The following MACROD2 variants were observed in gnomAD, a reference collection of about 807,000 sequenced individuals.
MACROD2 encodes ADP-ribose glycohydrolase MACROD2.
In MACROD2, 36 loss-of-function variants were observed where a neutral mutation model predicts 70.4. That is an observed-to-expected ratio of 0.51 (90% CI 0.39 to 0.68). The LOEUF (loss-of-function observed/expected upper bound fraction) is 0.68, where lower values mean the gene tolerates loss of function less well. Among genes scored for constraint, MACROD2 ranks in the 30% least tolerant of loss-of-function variants. The probability of loss-of-function intolerance (pLI) is 0.00; values close to 1 mark genes in which losing one functional copy is unlikely to be tolerated. For missense variants in MACROD2, 496 were observed against 538.4 expected (o/e 0.92, Z 0.78); for synonymous variants, 172 against 178.8 (o/e 0.96, Z 0.30).
At chr20:14,085,340 A>G (rs1306428164) in intron 2 of MACROD2, among the ~76,000 whole-genome samples, 1 of 152,098 alleles carries the variant, frequency 6.6e-6, no homozygotes, top group East Asian at 1.9e-4. Context: ...TTTAGAATGG[A>G]TATTTTAATA....
intron 5 of MACROD2, among the ~76,000 whole-genome samples, chr20:14,884,803 C>T (rs968504739): frequency 1.3e-5 from 2 of 152,120 alleles, no homozygotes; most frequent in African/African-American, 4.8e-5. Context: ...ACAATCTGTT[C>T]TCTCTGAAGC....
At chr20:14,614,411 T>C (rs112728413) in intron 4 of MACROD2, among the ~76,000 whole-genome samples, 2 of 152,172 alleles carry the variant, frequency 1.3e-5, no homozygotes, top group African/African-American at 4.8e-5. Context: ...TCAGAATCTT[T>C]GGGGGTGGGG....
chr20:14,448,775 C>T (rs1162962604), intron 3 of MACROD2, among the ~76,000 whole-genome samples: 1 of 140,332 alleles, frequency 7.1e-6, no homozygotes, highest in Non-Finnish European at 1.6e-5. Flanking sequence ...TCTCATCATG[C>T]AGTGCGTTGA....
In MACROD2 at chr20:15,241,088, T is replaced by C. The variant is rs558429592; in HGVS notation, c.540+11027T>C. Among the ~76,000 whole-genome samples, 22 of 152,318 alleles carry C rather than the reference T, an allele frequency of 1.4e-4. No homozygotes were observed. In the South Asian group the frequency reaches 4.6e-3, roughly 32 times the overall value. On this transcript the variant is annotated intron_variant, in intron 6 of 17. Coordinates refer to ENST00000684519, the MANE Select transcript of MACROD2 (RefSeq NM_001351661.2). ...GTTTGTGTATGTTTGAAATTTTCCG[T>C]AACAAAGCAAACTTAAATGTTTAAA...
At chr20:14,742,242 G>C (rs896401362) in intron 5 of MACROD2, among the ~76,000 whole-genome samples, 5 of 152,120 alleles carry the variant, frequency 3.3e-5, no homozygotes, top group African/African-American at 4.8e-5. Context: ...TGAATCCTGA[G>C]AGAAACCACT....
chr20:14,812,321 G>C (rs1383225622), intron 5 of MACROD2, among the ~76,000 whole-genome samples: 3 of 151,932 alleles, frequency 2.0e-5, no homozygotes, highest in Non-Finnish European at 2.9e-5. Flanking sequence ...AACACAGGAA[G>C]AGAAAACCAA....
Position 15,499,764 on chromosome 20 carries a change from CTT to C in MACROD2, c.572-9_572-8del. On this transcript the variant is annotated splice_polypyrimidine_tract_variant and splice_region_variant and intron_variant, in intron 7 of 17. Transcript: ENST00000684519. ...CGTTGTTCATTTGTTTTTTCCTGCT[CTT>C]CATCTAGGCTTTCCCAACGAGCCTG... 1.9e-6 allele frequency: 3 copies of C among 1,613,472 alleles called. No individual in the cohort carries two copies. Among genetic ancestry groups the C allele is most frequent in the Non-Finnish European group, 2.5e-6 (3 of 1,179,548 alleles).
chr20:15,250,929 A>G (rs1375575820), intron 6 of MACROD2, among the ~76,000 whole-genome samples: 3 of 152,220 alleles, frequency 2.0e-5, no homozygotes, highest in Non-Finnish European at 4.4e-5. Flanking sequence ...GAATGAATGT[A>G]GAATGAATAA....
intron 6 of MACROD2, among the ~76,000 whole-genome samples, chr20:15,318,855 C>G (rs2077842832): frequency 6.6e-6 from 1 of 152,066 alleles, no homozygotes; most frequent in Non-Finnish European, 1.5e-5. Flanking sequence ...TGATTAATAC[C>G]ATGGTCAATG....
intron 8 of MACROD2, among the ~76,000 whole-genome samples, chr20:15,672,291 T>C (rs2049990384): frequency 6.6e-6 from 1 of 151,828 alleles, no homozygotes; most frequent in African/African-American, 2.4e-5. Flanking sequence ...TAACCCTGAA[T>C]GGTGATTAGT....
chr20:15,517,994 G>A (rs1027104161), intron 8 of MACROD2, among the ~76,000 whole-genome samples: 1 of 152,222 alleles, frequency 6.6e-6, no homozygotes, highest in Admixed American at 6.5e-5. Context: ...ACCATCAAAA[G>A]TCTGGAAATG....
chr20:15,086,811 T>C (rs2075752182), intron 5 of MACROD2, among the ~76,000 whole-genome samples: 2 of 152,114 alleles, frequency 1.3e-5, no homozygotes, highest in Admixed American at 1.3e-4. Context: ...TCATTATCTC[T>C]AATATTAGTT....
At chr20:15,209,568 G>A (rs1196789696) in intron 5 of MACROD2, among the ~76,000 whole-genome samples, 1 of 152,090 alleles carries the variant, frequency 6.6e-6, no homozygotes, top group Non-Finnish European at 1.5e-5. Flanking sequence ...ATCTTCTTTT[G>A]TAGGACAGGT....
intron 3 of MACROD2, among the ~76,000 whole-genome samples, chr20:14,337,834 G>C (rs917178819): frequency 3.9e-5 from 6 of 152,106 alleles, no homozygotes; most frequent in African/African-American, 1.4e-4. Context: ...CAGCCCTTTG[G>C]AATCTCAACA....
intron 5 of MACROD2, among the ~76,000 whole-genome samples, chr20:14,963,897 TAGAGAGGGAA>T (rs1374423904): frequency 6.6e-5 from 10 of 152,184 alleles, no homozygotes; most frequent in Non-Finnish European, 2.9e-5. Flanking sequence ...ACTTCTAAAG[TAGAGAGGGAA>T]ATGCATAGGA....
In MACROD2 at chr20:14,834,606, A is replaced by G. The variant is rs894223726; in HGVS notation, c.418+149647A>G. Among the ~76,000 whole-genome samples, 23 of 152,064 alleles carry G rather than the reference A, an allele frequency of 1.5e-4. 1 individual carries two copies. The highest frequency in any genetic ancestry group is 6.6e-4 in the Admixed American group (10 of 15,248). ...GTATGCATTTTAAAATCTTAAGAAG[A>G]TACTTCAAAATATATTAGAGAATTT... On this transcript the variant is annotated intron_variant, in intron 5 of 17. Coordinates refer to ENST00000684519, the MANE Select transcript of MACROD2 (RefSeq NM_001351661.2).
rs181231895 is a variant in MACROD2 at position 14,772,070 on chromosome 20, G to A, written c.418+87111G>A. On this transcript the variant is annotated intron_variant, in intron 5 of 17. Transcript: ENST00000684519. ...GTGCATGACATTTTAAAAAGCGTCCGCCATCCTAGAAAGAGACAATAAATG... is the reference window on the plus strand; with the variant it reads ...GTGCATGACATTTTAAAAAGCGTCCACCATCCTAGAAAGAGACAATAAATG... 2.1e-4 allele frequency among the ~76,000 whole-genome samples: 32 copies of A among 151,930 alleles called. No individual in the cohort carries two copies. In the East Asian group the frequency reaches 4.6e-3, roughly 22 times the overall value.
At chr20:14,210,960 T>A (rs1269010896) in intron 3 of MACROD2, among the ~76,000 whole-genome samples, 1 of 152,222 alleles carries the variant, frequency 6.6e-6, no homozygotes, top group African/African-American at 2.4e-5. Flanking sequence ...TAGGATTACA[T>A]GGTTAGCTAA....
intron 3 of MACROD2, among the ~76,000 whole-genome samples, chr20:14,208,587 G>A (rs1289502536): frequency 1.3e-5 from 2 of 152,162 alleles, no homozygotes; most frequent in South Asian, 2.1e-4. Flanking sequence ...CAGAGAGTAG[G>A]TTCCCAAACT....
Sources: gnomAD v4.1 joint callset for allele counts (sites outside exome capture counted in the v4.1 genomes callset) on GRCh38, gnomAD v4.1.1 for gene constraint, MANE v1.5 for transcripts, NCBI Gene and HGNC (gene_info 2026-07-23, HGNC 2026-07-21) for gene names.